Variants in SORCS1 observed in about 807,000 individuals in gnomAD.
The protein encoded by SORCS1 is VPS10 domain-containing receptor SorCS1.
Under a neutral mutation model 146.1 loss-of-function variants are expected in SORCS1, and 60 were observed. That is an observed-to-expected ratio of 0.41 (90% CI 0.33 to 0.51). The LOEUF is 0.51. SORCS1 is among the 20% of genes least tolerant of loss of function. SORCS1 has a pLI of 0.21. For synonymous variants in SORCS1, 637 were observed against 584.0 expected (o/e 1.09, Z -1.31); for missense variants, 1,352 against 1,487.6 (o/e 0.91, Z 1.50).
At position 107,131,448 on chromosome 10, in the gene SORCS1, T is replaced by C. The variant is rs530573761; in HGVS notation, c.558+32521A>G. Among the ~76,000 whole-genome samples the C allele has an allele frequency of 6.6e-5, 10 of 152,330 alleles. No individual in the cohort carries two copies. The South Asian group carries it at 1.7e-3, about 25-fold the overall frequency. ...TGAAAGCCTCTCTCTTTTGGCCCGA[T>C]GCAGTGGCTCACGCCTTTAATCCCA... is the stretch of plus-strand genomic sequence containing the variant. On this transcript the variant is annotated intron_variant, in intron 1 of 25. Transcript: ENST00000263054.
intron 1 of SORCS1, among the ~76,000 whole-genome samples, chr10:107,153,449 G>T (rs1369036603): frequency 1.3e-5 from 2 of 152,130 alleles, no homozygotes; most frequent in Non-Finnish European, 2.9e-5. Flanking sequence ...AACATATATT[G>T]TTTAACTGGG....
chr10:106,908,656 C>A (rs1246925399), intron 2 of SORCS1, among the ~76,000 whole-genome samples: 2 of 152,188 alleles, frequency 1.3e-5, no homozygotes, highest in Non-Finnish European at 2.9e-5. Flanking sequence ...TCTGTCCATT[C>A]TTTCCCAAGA....
chr10:107,141,151 T>A (rs1244077565), intron 1 of SORCS1, among the ~76,000 whole-genome samples: 4 of 152,086 alleles, frequency 2.6e-5, no homozygotes, highest in African/African-American at 9.7e-5. Context: ...GTTACCAAAA[T>A]CAGACTGGTG....
intron 22 of SORCS1, among the ~76,000 whole-genome samples, chr10:106,607,878 G>A (rs560262188): frequency 5.2e-4 from 79 of 152,198 alleles, no homozygotes; most frequent in African/African-American, 1.7e-3. Flanking sequence ...ACCCTCAGGA[G>A]GCCCCTGTTG....
At chr10:107,000,442 CA>C (rs774072689) in intron 1 of SORCS1, among the ~76,000 whole-genome samples, 405 of 134,816 alleles carry the variant, frequency 3.0e-3, no homozygotes, top group Non-Finnish European at 2.7e-3. Context: ...TACTAAAATA[CA>C]AAAAAAAAAA....
chr10:106,798,601 T>C lies in SORCS1; in HGVS notation c.727-21909A>G, dbSNP rs993614584. Among the ~76,000 whole-genome samples, 74 of 152,218 alleles carry C rather than the reference T, an allele frequency of 4.9e-4. 1 individual carries two copies. The highest frequency in any genetic ancestry group is 1.5e-4 in the Non-Finnish European group (10 of 68,042). ...TGGTTTCCAGCTTCACCCATGTCCC[T>C]ACAAAGGATGTGATCTCACTCTTTT... On this transcript the variant is annotated intron_variant, in intron 3 of 25. Transcript: ENST00000263054.
At chr10:107,055,873 G>A (rs770762025) in intron 1 of SORCS1, among the ~76,000 whole-genome samples, 7 of 152,112 alleles carry the variant, frequency 4.6e-5, no homozygotes, top group Non-Finnish European at 8.8e-5. Context: ...TCTGTTCAAG[G>A]GAGTTTCTAT....
intron 2 of SORCS1, among the ~76,000 whole-genome samples, chr10:106,867,323 C>T (rs1381204763): frequency 1.1e-4 from 16 of 149,572 alleles, no homozygotes; most frequent in South Asian, 4.2e-4. Context: ...CTCGTTCTGT[C>T]GCCCACGCTG....
At chr10:106,673,905 T>C (rs1460946447) in intron 14 of SORCS1, among the ~76,000 whole-genome samples, 1 of 152,170 alleles carries the variant, frequency 6.6e-6, no homozygotes, top group Admixed American at 6.5e-5. Flanking sequence ...TTTGAAAATA[T>C]AAAAATTGAA....
At chr10:106,706,407 C>T in intron 8 of SORCS1, 138 bp downstream of exon 8, 1 of 789,932 alleles carries the variant, frequency 1.3e-6, no homozygotes, top group South Asian at 1.7e-5. Context: ...TAAGGCAGAG[C>T]AAACTTGGGA....
At chr10:107,070,581 A>C (rs1488334004) in intron 1 of SORCS1, among the ~76,000 whole-genome samples, 1 of 152,236 alleles carries the variant, frequency 6.6e-6, no homozygotes, top group African/African-American at 2.4e-5. Context: ...TCAGAGTTCC[A>C]AGAAAGACAA....
intron 3 of SORCS1, among the ~76,000 whole-genome samples, chr10:106,826,131 C>T (rs975656291): frequency 1.4e-4 from 21 of 152,240 alleles, no homozygotes; most frequent in African/African-American, 4.8e-4. Context: ...AGGCATGAAG[C>T]CTGCTGTTTC....
At chr10:106,868,706 A>T (rs1950306250) in intron 2 of SORCS1, among the ~76,000 whole-genome samples, 1 of 152,218 alleles carries the variant, frequency 6.6e-6, no homozygotes, top group Non-Finnish European at 1.5e-5. Context: ...GTTAAGAAAG[A>T]CATTAATTTC....
At chr10:106,770,185 T>TGACAC (rs1348026021) in intron 4 of SORCS1, among the ~76,000 whole-genome samples, 1 of 152,236 alleles carries the variant, frequency 6.6e-6, no homozygotes, top group Non-Finnish European at 1.5e-5. Flanking sequence ...TTTTGGTATC[T>TGACAC]GACACATATG....
intron 5 of SORCS1, among the ~76,000 whole-genome samples, chr10:106,740,402 T>A (rs1857282606): frequency 6.6e-6 from 1 of 152,142 alleles, no homozygotes; most frequent in Non-Finnish European, 1.5e-5. Flanking sequence ...AATAAATAAA[T>A]TTTTGAATAT....
At chr10:106,744,513 A>C (rs2136129607) in intron 5 of SORCS1, among the ~76,000 whole-genome samples, 1 of 152,280 alleles carries the variant, frequency 6.6e-6, no homozygotes, top group East Asian at 1.9e-4. Flanking sequence ...TTATAAGAGG[A>C]GATATTGTAG....
At chr10:106,668,610 C>T (rs576093109) in intron 16 of SORCS1, among the ~76,000 whole-genome samples, 1 of 152,230 alleles carries the variant, frequency 6.6e-6, no homozygotes, top group East Asian at 1.9e-4. Context: ...TATGAACTGG[C>T]CCATCTGTGT....
At chr10:106,872,441 A>G (rs527768402) in intron 2 of SORCS1, among the ~76,000 whole-genome samples, 3 of 152,356 alleles carry the variant, frequency 2.0e-5, no homozygotes, top group Admixed American at 2.0e-4. Flanking sequence ...TGCCTAAACC[A>G]CAATAAGCCT....
chr10:106,944,289 G>C (rs1219942797), intron 2 of SORCS1, among the ~76,000 whole-genome samples: 2 of 152,152 alleles, frequency 1.3e-5, no homozygotes, highest in Non-Finnish European at 2.9e-5. Context: ...GCACAGAACT[G>C]ACCAATTGCA....
Sources: allele counts gnomAD v4.1 joint callset (sites outside exome capture counted in the v4.1 genomes callset), GRCh38; gene constraint gnomAD v4.1.1; transcripts MANE v1.5; gene names NCBI Gene and HGNC (gene_info 2026-07-23, HGNC 2026-07-21).